Variants in CCNE2 observed in about 807,000 individuals in gnomAD.
CCNE2 encodes G1/S-specific cyclin-E2.
CCNE2 carries 18 observed loss-of-function variants against 56.8 expected under a neutral mutation model. The observed-to-expected ratio is 0.32, with a 90% CI of 0.22 to 0.47. The LOEUF (loss-of-function observed/expected upper bound fraction) is 0.47. Ranked by LOEUF, CCNE2 falls within the 20% of genes least tolerant of loss-of-function variation. CCNE2 has a pLI of 1.00. For missense variants in CCNE2, 371 were observed against 467.1 expected (o/e 0.79, Z 1.90); for synonymous variants, 139 against 149.2 (o/e 0.93, Z 0.50).
At chr8:94,884,762 T>C (rs1198210756) in intron 9 of CCNE2, 7 of 222,738 alleles carry the variant, frequency 3.1e-5, no homozygotes, top group African/African-American at 6.7e-5. Flanking sequence ...AATAATTCTA[T>C]GCCATTATAA....
At chr8:94,883,564 G>C (rs1197057557) in intron 9 of CCNE2, among the ~76,000 whole-genome samples, 1 of 152,182 alleles carries the variant, frequency 6.6e-6, no homozygotes, top group Non-Finnish European at 1.5e-5. Flanking sequence ...AAAGATGAGG[G>C]GTGGTGGCTA....
intron 7 of CCNE2, 96 bp downstream of exon 7, chr8:94,887,831 A>G: frequency 1.4e-6 from 1 of 737,388 alleles, no homozygotes; most frequent in Non-Finnish European, 2.1e-6. Context: ...TTTTCTAAGG[A>G]GTTAATATAA....
chr8:94,886,137 G>A (rs368269767), intron 7 of CCNE2, among the ~76,000 whole-genome samples: 9 of 152,190 alleles, frequency 5.9e-5, no homozygotes, highest in Admixed American at 4.6e-4. Context: ...AGGTCAAACC[G>A]TGGTAAGTAG....
Position 94,882,194 on chromosome 8 carries a change from T to G in CCNE2, c.1039A>C (p.Lys347Gln), listed in dbSNP as rs1300052201. Residue 347 changes from lysine to glutamine, a missense_variant, in exon 11 of 12, where the codon AAG (lysine) becomes CAG (glutamine). Physicochemically the swap from Lys to Gln is moderately conservative, Grantham distance 53. Coordinates refer to ENST00000308108, the MANE Select transcript of CCNE2 (RefSeq NM_057749.3). Reference sequence around the variant, plus strand: ...TGTCTGTCTTCCATAGGAATCTTCTTAAAAGTCTTCAGCTTCACTGGACTA... The same window carrying G: ...TGTCTGTCTTCCATAGGAATCTTCTGAAAAGTCTTCAGCTTCACTGGACTA... ...STSPVKLKTF[K>Q]KIPMEDRHNI... 28 of 1,613,380 alleles carry G rather than the reference T, an allele frequency of 1.7e-5. 1 individual carries two copies. Among genetic ancestry groups the G allele is most frequent in the Admixed American group, 3.3e-5 (2 of 59,974 alleles).
At position 94,885,573 on chromosome 8, in the gene CCNE2, A is replaced by AT; in HGVS notation, c.601-16dup. The AT allele has an allele frequency of 6.9e-7, 1 of 1,440,532 alleles. No homozygotes were observed. The highest frequency in any genetic ancestry group is 9.7e-7 in the Non-Finnish European group (1 of 1,030,006). The allele number at this position is 1,440,532 out of a possible 1,614,324, so 89.2% of individuals were successfully genotyped here. Reference sequence around the variant, plus strand: ...GCATAGATTTCCTTTAAATTGTAATATTTTTATTGAGTACAATTGAGATAG... The same window carrying AT: ...GCATAGATTTCCTTTAAATTGTAATATTTTTTATTGAGTACAATTGAGATAG... On this transcript the variant is annotated splice_polypyrimidine_tract_variant and intron_variant, in intron 7 of 11. Transcript: ENST00000308108.
intron 11 of CCNE2, 69 bp from the exon 12 acceptor site, chr8:94,881,814 T>C: frequency 6.3e-7 from 1 of 1,587,084 alleles, no homozygotes; most frequent in African/African-American, 1.4e-5. Flanking sequence ...GGGTACTTAT[T>C]TGAGATTATT....
chr8:94,890,695 C>T (rs960132117), intron 5 of CCNE2, 145 bp from the exon 6 acceptor site: 4 of 213,904 alleles, frequency 1.9e-5, no homozygotes, highest in Non-Finnish European at 3.5e-5. Flanking sequence ...TGGGTTCAAG[C>T]GATTCTTGTG....
chr8:94,881,734 ATTTAC>A lies in CCNE2; in HGVS notation c.1108_1112del (p.Val370LeufsTer27). 4 of 1,613,790 alleles carry A rather than the reference ATTTAC, an allele frequency of 2.5e-6. No homozygotes were observed. The highest frequency in any genetic ancestry group is 3.4e-6 in the Non-Finnish European group (4 of 1,179,830). On this transcript the variant is annotated frameshift_variant, in exon 12 of 12. Coordinates refer to ENST00000308108, the MANE Select transcript of CCNE2 (RefSeq NM_057749.3). LOFTEE classifies it high-confidence loss of function. ...CCCCTTTTCTGAAGGTGTTTATGTA[ATTTAC>A]TTCCTCCTATACATGGGAAGAAATC... is the stretch of plus-strand genomic sequence containing the variant.
intron 9 of CCNE2, 28 bp from the exon 10 acceptor site, chr8:94,882,920 A>G: frequency 7.1e-7 from 1 of 1,416,246 alleles, no homozygotes; most frequent in Non-Finnish European, 1.0e-6. Context: ...AGTACAAGCA[A>G]TTTAGGAGAA....
In CCNE2 at chr8:94,882,836, C is replaced by A; in HGVS notation, c.888G>T (p.Leu296=). Residue 296 remains leucine, a synonymous_variant, in exon 10 of 12, where the codon CTG becomes CTT. Coordinates refer to ENST00000308108, the MANE Select transcript of CCNE2 (RefSeq NM_057749.3). ...TAAAATGGCACAAGGCAGCAGCAGT[C>A]AGTATTCTGTACTGGAACTCTAATG... is the stretch of plus-strand genomic sequence containing the variant. The part of the protein sequence containing the change: ...IDSLEFQYRI[L]TAAALCHFTS... 1.2e-6 allele frequency: 2 copies of A among 1,613,952 alleles called. No homozygotes were observed. The highest frequency in any genetic ancestry group is 1.6e-4 in the Middle Eastern group (1 of 6,062).
chr8:94,893,700 A>G lies in CCNE2; in HGVS notation c.165+191T>C, dbSNP rs920117295. 10 of 610,432 alleles carry G rather than the reference A, an allele frequency of 1.6e-5. 1 individual carries two copies. Among genetic ancestry groups the G allele is most frequent in the South Asian group, 1.5e-4 (7 of 46,532 alleles). 37.8% of individuals were successfully genotyped at this position (610,432 alleles called of 1,614,324 possible). A position where few individuals can be genotyped will look rare whatever the true frequency, so the allele number is the denominator to read the frequency against. On this transcript the variant is annotated intron_variant, in intron 4 of 11. Coordinates refer to ENST00000308108, the MANE Select transcript of CCNE2 (RefSeq NM_057749.3). Reference sequence around the variant, plus strand: ...AGGAACCAGCTGCTTGAAGGCACTTATTCTGCAGCTGTAGTAGGATTCGGG... The same window carrying G: ...AGGAACCAGCTGCTTGAAGGCACTTGTTCTGCAGCTGTAGTAGGATTCGGG...
chr8:94,882,436 A>G lies in CCNE2; in HGVS notation c.944-147T>C, dbSNP rs573167895. 411 of 658,890 alleles carry G rather than the reference A, an allele frequency of 6.2e-4. 1 individual carries two copies. In the African/African-American group the frequency reaches 7.0e-3, roughly 11 times the overall value. The allele number at this position is 658,890 out of a possible 1,614,324, so 40.8% of individuals were successfully genotyped here. A position where few individuals can be genotyped will look rare whatever the true frequency, so the allele number is the denominator to read the frequency against. The stretch of plus-strand genomic sequence containing the variant: ...GAAGTTTAGCATGTCAAAACAGATT[A>G]TCACTCTCAAACTATTTACATGACT... On this transcript the variant is annotated intron_variant, in intron 10 of 11. Transcript: ENST00000308108.
At chr8:94,892,574 C>G (rs1354303815) in intron 5 of CCNE2, among the ~76,000 whole-genome samples, 1 of 152,180 alleles carries the variant, frequency 6.6e-6, no homozygotes, top group Non-Finnish European at 1.5e-5. Flanking sequence ...AAAACTAATT[C>G]AGTCCTGTTA....
Position 94,885,497 on chromosome 8 carries a change from T to G in CCNE2, c.662A>C (p.Glu221Ala), listed in dbSNP as rs113449286. The change falls in exon 8 of 12, where the codon GAG becomes GCG. Residue 221 changes from glutamate to alanine, a missense_variant. Transcript: ENST00000308108. Reference protein sequence around the residue: ...AYVTDGACSEEDILRMELIIL... With the variant: ...AYVTDGACSEADILRMELIIL... ...AATGAGTTCCATCCTTAAGATATCCTCTTCACTGCAAGCACCATCAGTGAC... is the reference window on the plus strand; with the variant it reads ...AATGAGTTCCATCCTTAAGATATCCGCTTCACTGCAAGCACCATCAGTGAC... The G allele has an allele frequency of 1.6e-4, 250 of 1,607,726 alleles. No individual in the cohort carries two copies. The African/African-American group carries it at 2.9e-3, about 18-fold the overall frequency.
In CCNE2 at chr8:94,885,156, T is replaced by C; in HGVS notation, c.742A>G (p.Asn248Asp). The C allele has an allele frequency of 6.2e-7, 1 of 1,613,638 alleles. No individual in the cohort carries two copies. Among genetic ancestry groups the C allele is most frequent in the Non-Finnish European group, 8.5e-7 (1 of 1,179,698 alleles). ...LCPVTIISWL[N>D]LFLQVDALKD... ...AGAGCATCAACTTGGAGAAAGAGAT[T>C]TAGCCAGGAGATGATTGTTACAGGA... The change falls in exon 9 of 12, where the codon AAT (asparagine) becomes GAT (aspartate). Residue 248 changes from asparagine (N) to aspartate (D), a missense_variant. By Grantham distance (23) the Asn-to-Asp change is conservative. Transcript: ENST00000308108.
rs563292228 is a variant in CCNE2 at position 94,893,909 on chromosome 8, T to C, written c.147A>G (p.Lys49=). 1.9e-6 allele frequency: 3 copies of C among 1,614,062 alleles called. No homozygotes were observed. In the African/African-American group the frequency reaches 4.0e-5, roughly 22 times the overall value. Residue 49 remains lysine (K), a synonymous_variant, in exon 4 of 12, where the codon AAA becomes AAG. Coordinates refer to ENST00000308108, the MANE Select transcript of CCNE2 (RefSeq NM_057749.3). The part of the protein sequence containing the change: ...VKKRREEVTK[K]HQYEIRNCWP... ...GCATTACCCTAATTTCATACTGATGTTTCTTGGTGACCTCCTCTCTTCTTT... is the reference window on the plus strand; with the variant it reads ...GCATTACCCTAATTTCATACTGATGCTTCTTGGTGACCTCCTCTCTTCTTT...
At chr8:94,893,304 T>C (rs1817314013) in intron 4 of CCNE2, among the ~76,000 whole-genome samples, 2 of 147,142 alleles carry the variant, frequency 1.4e-5, no homozygotes, top group Admixed American at 1.4e-4. Context: ...TATCTAGCAA[T>C]AGTAGCAGGG....
At chr8:94,882,683 A>C (rs948698350) in intron 10 of CCNE2, 98 bp downstream of exon 10, 14 of 829,934 alleles carry the variant, frequency 1.7e-5, no homozygotes, top group Non-Finnish European at 2.5e-5. Context: ...TTTTTGCCAA[A>C]GTTTTAAATG....
At chr8:94,894,430 G>C in intron 1 of CCNE2, 183 bp from the exon 2 acceptor site, 1 of 602,924 alleles carries the variant, frequency 1.7e-6, no homozygotes, top group East Asian at 2.8e-5. Flanking sequence ...ATACAAGCCT[G>C]CATTTCCTCA....
Sources: allele counts gnomAD v4.1 joint callset (sites outside exome capture counted in the v4.1 genomes callset), GRCh38; gene constraint gnomAD v4.1.1; transcripts MANE v1.5; gene names NCBI Gene and HGNC (gene_info 2026-07-23, HGNC 2026-07-21).